PER3: variants seen among roughly 807,000 people sequenced by gnomAD.
PER3 encodes the protein period circadian protein homolog 3.
Under a neutral mutation model 127.2 loss-of-function variants are expected in PER3, and 107 were observed. The ratio of observed to expected loss-of-function variants is 0.84; its 90% CI spans 0.72 to 0.99. PER3 has a LOEUF of 0.99. Ranked by LOEUF, PER3 falls within the 50% of genes least tolerant of loss-of-function variation. The pLI is 0.00. For missense variants in PER3, 1,560 were observed against 1,525.8 expected, an observed-to-expected ratio of 1.02 and a Z score of -0.37; for synonymous variants, 618 against 585.8, an observed-to-expected ratio of 1.05 and a Z score of -0.79.
chr1:7,842,367 G>A (rs2097394891), intron 21 of PER3, among the ~76,000 whole-genome samples: 1 of 152,018 alleles, frequency 6.6e-6, no homozygotes, highest in Non-Finnish European at 1.5e-5. Context: ...GGGCGCGGTG[G>A]TGGGCACCTG....
chr1:7,799,554 G>A (rs1279628772), intron 7 of PER3, among the ~76,000 whole-genome samples: 5 of 148,374 alleles, frequency 3.4e-5, no homozygotes, highest in African/African-American at 1.2e-4. Flanking sequence ...AGGTTGCGGT[G>A]AGCTGAGATC....
intron 5 of PER3, 44 bp downstream of exon 5, chr1:7,788,290 T>A: frequency 7.7e-7 from 1 of 1,295,476 alleles, no homozygotes; most frequent in African/African-American, 1.5e-5. Context: ...CTCATCAAGA[T>A]CAGTTTCATT....
intron 19 of PER3, among the ~76,000 whole-genome samples, chr1:7,835,148 G>C (rs2097352016): frequency 6.6e-6 from 1 of 152,216 alleles, no homozygotes. Flanking sequence ...GGGTAGGTTA[G>C]TGCATGACCA....
chr1:7,820,703 C>T (rs1042855442), intron 16 of PER3, 63 bp downstream of exon 16: 17 of 1,371,732 alleles, frequency 1.2e-5, no homozygotes, highest in Admixed American at 7.0e-5. Flanking sequence ...GATGAGAAAA[C>T]AAAAGTCATG....
chr1:7,785,591 A>G lies in PER3; in HGVS notation c.274+5A>G, dbSNP rs1435519567. 2 of 1,607,618 alleles carry G rather than the reference A, an allele frequency of 1.2e-6. No individual in the cohort carries two copies. Among genetic ancestry groups the G allele is most frequent in the Non-Finnish European group, 1.7e-6 (2 of 1,176,678 alleles). On this transcript the variant is annotated splice_donor_5th_base_variant and intron_variant, in intron 3 of 21. Coordinates refer to ENST00000377532, the MANE Select transcript of PER3 (RefSeq NM_001377275.1). Reference sequence around the variant, plus strand: ...GCTGTGTCCACAGCGTTCAAGGTAAACAAGCCGGAGAGAAATTTCATCCTA... The same window carrying G: ...GCTGTGTCCACAGCGTTCAAGGTAAGCAAGCCGGAGAGAAATTTCATCCTA...
At chr1:7,810,953 A>G (rs2097216673) in intron 13 of PER3, among the ~76,000 whole-genome samples, 1 of 152,236 alleles carries the variant, frequency 6.6e-6, no homozygotes, top group Non-Finnish European at 1.5e-5. Context: ...TAAAATGAAA[A>G]TCCCTTTCTG....
In PER3 at chr1:7,826,584, T is replaced by G; in HGVS notation, c.2062T>G (p.Ser688Ala). 6.2e-7 allele frequency: 1 copy of G among 1,613,168 alleles called. No homozygotes were observed. Among genetic ancestry groups the G allele is most frequent in the Non-Finnish European group, 8.5e-7 (1 of 1,179,102 alleles). ...KHVGLTAAVL[S>A]AHTQKEEQNY... ...CGTGGGGCTCACAGCGGCTGTTCTG[T>G]CAGCGCACACCCAGAAGGAAGAGCA... Residue 688 changes from serine (S) to alanine (A), a missense_variant, in exon 17 of 22, where the codon TCA (serine) becomes GCA (alanine). By Grantham distance (99) the Ser-to-Ala change is moderately conservative (BLOSUM62 1). This residue lies in a region of PER3 where 1,332 missense variants were observed against 1,223.6 expected (regional missense o/e 1.09). Coordinates refer to ENST00000377532, the MANE Select transcript of PER3 (RefSeq NM_001377275.1). The surrounding 1 kb of genome is among the most constrained non-coding windows in gnomAD (Gnocchi z 4.2).
At chr1:7,839,327 A>G (rs1220632204) in intron 21 of PER3, among the ~76,000 whole-genome samples, 1 of 152,244 alleles carries the variant, frequency 6.6e-6, no homozygotes, top group Non-Finnish European at 1.5e-5. Context: ...AATCTATTAA[A>G]TAATATAGAA....
chr1:7,803,297 T>TA (rs1382828950), intron 9 of PER3, 144 bp downstream of exon 9: 19 of 669,068 alleles, frequency 2.8e-5, no homozygotes, highest in Non-Finnish European at 4.3e-5. Context: ...TATTTAAACA[T>TA]ACTAAAACAG....
At chr1:7,806,115 T>C (rs912846961) in intron 10 of PER3, among the ~76,000 whole-genome samples, 4 of 152,054 alleles carry the variant, frequency 2.6e-5, no homozygotes, top group Non-Finnish European at 5.9e-5. Context: ...GGAGAGACAG[T>C]AAATAAAAAT....
intron 20 of PER3, 55 bp downstream of exon 20, chr1:7,836,000 C>CT (rs984608428): frequency 5.8e-5 from 73 of 1,254,680 alleles, no homozygotes; most frequent in African/African-American, 3.0e-4. Context: ...TTCTTTTTTT[C>CT]TTTTTTTTCT....
chr1:7,812,549 C>T (rs547278994), intron 13 of PER3, among the ~76,000 whole-genome samples: 131 of 136,216 alleles, frequency 9.6e-4, no homozygotes, highest in Non-Finnish European at 1.6e-3. Flanking sequence ...GGCGTGAATC[C>T]GGGAGGTGGA....
chr1:7,797,239 C>T (rs569013891), intron 6 of PER3, among the ~76,000 whole-genome samples: 1 of 152,170 alleles, frequency 6.6e-6, no homozygotes, highest in East Asian at 1.9e-4. Context: ...CGGGACACAG[C>T]TCACTTCCCG....
chr1:7,834,441 G>T (rs1046424307), intron 19 of PER3, among the ~76,000 whole-genome samples: 3 of 152,070 alleles, frequency 2.0e-5, no homozygotes, highest in East Asian at 3.9e-4. Context: ...AAGTTGTTTT[G>T]TGTGAGTGTT....
intron 10 of PER3, among the ~76,000 whole-genome samples, chr1:7,805,313 T>C (rs996802514): frequency 1.3e-5 from 2 of 152,228 alleles, no homozygotes; most frequent in African/African-American, 2.4e-5. Context: ...TATCTTGTTA[T>C]ACAGCATTGT....
At chr1:7,806,317 T>A (rs536641981) in intron 10 of PER3, among the ~76,000 whole-genome samples, 7 of 152,274 alleles carry the variant, frequency 4.6e-5, no homozygotes, top group African/African-American at 1.7e-4. Context: ...TAGAGTAGCC[T>A]TCCCAGGGAT....
chr1:7,834,525 A>T (rs1008805218), intron 19 of PER3, among the ~76,000 whole-genome samples: 1 of 152,166 alleles, frequency 6.6e-6, no homozygotes, highest in Non-Finnish European at 1.5e-5. Flanking sequence ...ATGCAATCAT[A>T]GCTCACTGTA....
chr1:7,802,660 T>C (rs563236885), intron 8 of PER3, among the ~76,000 whole-genome samples: 2 of 152,370 alleles, frequency 1.3e-5, no homozygotes, highest in South Asian at 2.1e-4. Flanking sequence ...TACGTTACGA[T>C]GTGCTTTTTG....
chr1:7,823,388 AT>A (rs2097286510), intron 16 of PER3, among the ~76,000 whole-genome samples: 1 of 152,234 alleles, frequency 6.6e-6, no homozygotes, highest in South Asian at 2.1e-4. Flanking sequence ...CACGCCTGTA[AT>A]CCCAGCACTT....
Sources: allele counts gnomAD v4.1 joint callset (sites outside exome capture counted in the v4.1 genomes callset), GRCh38; gene constraint gnomAD v4.1.1; regional missense constraint gnomAD v4.1.1; non-coding constraint Gnocchi (gnomAD v3.1); transcripts MANE v1.5; gene names NCBI Gene and HGNC (gene_info 2026-07-23, HGNC 2026-07-21).